Variants in GPAT3 observed in about 807,000 individuals in gnomAD.
GPAT3 encodes the protein 1-AGP acyltransferase 9.
A neutral mutation model predicts 58.8 loss-of-function variants in GPAT3; 53 were observed. That is an observed-to-expected ratio of 0.90 (90% CI 0.72 to 1.13). GPAT3 has a LOEUF of 1.13. GPAT3 is among the 50% of genes most tolerant of loss of function. GPAT3 has a pLI of 0.00. For synonymous variants in GPAT3, 197 were observed against 187.4 expected, an observed-to-expected ratio of 1.05 and a Z score of -0.42; for missense variants, 511 against 527.6, an observed-to-expected ratio of 0.97 and a Z score of 0.31.
intron 11 of GPAT3, among the ~76,000 whole-genome samples, chr4:83,601,360 G>A (rs531913785): frequency 1.3e-5 from 2 of 152,304 alleles, no homozygotes; most frequent in Non-Finnish European, 2.9e-5. Context: ...TTCACATAGC[G>A]TGAATACAAC....
intron 1 of GPAT3, among the ~76,000 whole-genome samples, chr4:83,536,984 T>TCA (rs1294332710): frequency 6.6e-6 from 1 of 152,174 alleles, no homozygotes; most frequent in Non-Finnish European, 1.5e-5. Flanking sequence ...ACCACTCTGT[T>TCA]GTTTCTCTGG....
At chr4:83,583,756 G>A (rs746928236) in intron 3 of GPAT3, among the ~76,000 whole-genome samples, 4 of 149,582 alleles carry the variant, frequency 2.7e-5, no homozygotes, top group Non-Finnish European at 4.4e-5. Context: ...GGGAGGCCGA[G>A]GTGAGGTCAG....
chr4:83,542,898 T>C (rs1724358579), intron 1 of GPAT3, among the ~76,000 whole-genome samples: 1 of 152,166 alleles, frequency 6.6e-6, no homozygotes, highest in South Asian at 2.1e-4. Flanking sequence ...CTTGGGAGGC[T>C]GAGGCAGGAG....
intron 3 of GPAT3, among the ~76,000 whole-genome samples, chr4:83,584,542 TAG>T (rs1726292702): frequency 6.6e-6 from 1 of 152,202 alleles, no homozygotes; most frequent in Admixed American, 6.5e-5. Flanking sequence ...TATGATGAGA[TAG>T]AGTCTCACTC....
chr4:83,547,953 A>G (rs2110073692), intron 2 of GPAT3, among the ~76,000 whole-genome samples: 1 of 151,406 alleles, frequency 6.6e-6, no homozygotes, highest in East Asian at 1.9e-4. Context: ...CTGGGATTAC[A>G]GCCATAAGCC....
intron 2 of GPAT3, among the ~76,000 whole-genome samples, chr4:83,546,716 T>C (rs1300080216): frequency 6.6e-6 from 1 of 152,136 alleles, no homozygotes; most frequent in Non-Finnish European, 1.5e-5. Context: ...GATTAAGACA[T>C]AGTCCCTGTG....
At chr4:83,555,766 A>C (rs1724921128) in intron 2 of GPAT3, among the ~76,000 whole-genome samples, 1 of 152,162 alleles carries the variant, frequency 6.6e-6, no homozygotes, top group Non-Finnish European at 1.5e-5. Flanking sequence ...TTGGCACCTG[A>C]AGTGGAGGCG....
At chr4:83,543,016 T>C (rs1284733884) in intron 1 of GPAT3, among the ~76,000 whole-genome samples, 1 of 151,500 alleles carries the variant, frequency 6.6e-6, no homozygotes, top group East Asian at 1.9e-4. Flanking sequence ...TAAAATAAAA[T>C]AAAATATAAA....
In GPAT3 at chr4:83,540,835, A is replaced by G. The variant is rs564476070; in HGVS notation, c.142-3701A>G. ...CTCCTAAGTAGCTGGGATTACAGGC[A>G]GGAGCCACCATGCCTGGCTAATTTT... On this transcript the variant is annotated intron_variant, in intron 1 of 11. Transcript: ENST00000264409. 1.3e-3 allele frequency among the ~76,000 whole-genome samples: 193 copies of G among 152,224 alleles called. 2 individuals are homozygous for G. The Middle Eastern group carries it at 0.017, about 13-fold the overall frequency.
chr4:83,562,037 A>T (rs1725144289), intron 2 of GPAT3, among the ~76,000 whole-genome samples: 1 of 150,910 alleles, frequency 6.6e-6, no homozygotes, highest in Middle Eastern at 3.2e-3. Context: ...AGAAACAAGG[A>T]AACAGTTCTA....
At chr4:83,586,841 G>C (rs1726391992) in intron 3 of GPAT3, among the ~76,000 whole-genome samples, 1 of 152,152 alleles carries the variant, frequency 6.6e-6, no homozygotes, top group African/African-American at 2.4e-5. Flanking sequence ...ATGTCTACAT[G>C]GTGGTATATT....
At chr4:83,568,659 C>T (rs1725495230) in intron 2 of GPAT3, among the ~76,000 whole-genome samples, 1 of 152,096 alleles carries the variant, frequency 6.6e-6, no homozygotes, top group African/African-American at 2.4e-5. Flanking sequence ...AGGCACCCGC[C>T]ACCACACCCG....
At chr4:83,558,814 T>C (rs1725029006) in intron 2 of GPAT3, among the ~76,000 whole-genome samples, 1 of 152,130 alleles carries the variant, frequency 6.6e-6, no homozygotes, top group African/African-American at 2.4e-5. Flanking sequence ...AAAGAGGAAA[T>C]TCTGAAGCCT....
At chr4:83,577,514 A>AT (rs1459810500) in intron 2 of GPAT3, among the ~76,000 whole-genome samples, 5 of 152,264 alleles carry the variant, frequency 3.3e-5, no homozygotes, top group South Asian at 4.1e-4. Flanking sequence ...GCTCAGGAAA[A>AT]TTTTTTTATA....
chr4:83,576,748 G>A (rs1725837680), intron 2 of GPAT3, among the ~76,000 whole-genome samples: 1 of 152,146 alleles, frequency 6.6e-6, no homozygotes, highest in South Asian at 2.1e-4. Context: ...CCAATGGAGT[G>A]AGAAAATATC....
intron 11 of GPAT3, among the ~76,000 whole-genome samples, chr4:83,602,900 A>T (rs1476513559): frequency 6.6e-6 from 1 of 152,222 alleles, no homozygotes; most frequent in Non-Finnish European, 1.5e-5. Flanking sequence ...ATCTTGTTTC[A>T]TGAAAACCTC....
chr4:83,574,598 T>G (rs900141037), intron 2 of GPAT3, among the ~76,000 whole-genome samples: 4 of 143,846 alleles, frequency 2.8e-5, no homozygotes, highest in African/African-American at 1.0e-4. Flanking sequence ...TTTACCCTTT[T>G]AAAGCTGACT....
rs557361568 is a variant in GPAT3, at chr4:83,541,451, C to T, written c.142-3085C>T. On this transcript the variant is annotated intron_variant, in intron 1 of 11. Transcript: ENST00000264409. ...TTTCACCCTGATGCCCAGATTGGTTCGAACTCCTGGACTCAAGGGATTTTC... is the reference window on the plus strand; with the variant it reads ...TTTCACCCTGATGCCCAGATTGGTTTGAACTCCTGGACTCAAGGGATTTTC... 6.9e-5 allele frequency among the ~76,000 whole-genome samples: 8 copies of T among 116,708 alleles called. No individual in the cohort carries two copies. In the East Asian group the frequency reaches 7.7e-4, roughly 11 times the overall value. The allele number at this position is 116,708 out of a possible 152,430, so 76.6% of individuals were successfully genotyped here.
chr4:83,556,800 A>T (rs1724958834), intron 2 of GPAT3, among the ~76,000 whole-genome samples: 1 of 152,152 alleles, frequency 6.6e-6, no homozygotes, highest in Non-Finnish European at 1.5e-5. Context: ...AAAAAAAGTA[A>T]ATCTATTGCT....
Sources: gnomAD v4.1 joint callset for allele counts (sites outside exome capture counted in the v4.1 genomes callset) on GRCh38, gnomAD v4.1.1 for gene constraint, MANE v1.5 for transcripts, NCBI Gene and HGNC (gene_info 2026-07-23, HGNC 2026-07-21) for gene names.